The following DMGDH variants were observed in gnomAD, a reference collection of about 807,000 sequenced individuals.
DMGDH encodes the protein dimethylglycine dehydrogenase, mitochondrial.
DMGDH carries 76 observed loss-of-function variants against 95.2 expected under a neutral mutation model. That is an observed-to-expected ratio of 0.80 (90% CI 0.66 to 0.97). DMGDH has a LOEUF of 0.97. DMGDH is among the 50% of genes least tolerant of loss of function. DMGDH has a pLI of 0.00. For missense variants in DMGDH, 987 were observed against 1,055.0 expected (o/e 0.94, Z 0.89); for synonymous variants, 345 against 377.6 (o/e 0.91, Z 1.00).
At chr5:79,068,759 A>C (rs993399792) in intron 1 of DMGDH, among the ~76,000 whole-genome samples, 3 of 152,264 alleles carry the variant, frequency 2.0e-5, no homozygotes, top group African/African-American at 7.2e-5. Flanking sequence ...CATTGCTCAT[A>C]TTTAAATACA....
At chr5:79,030,498 T>C (rs1367887129) in intron 10 of DMGDH, 1 of 283,958 alleles carries the variant, frequency 3.5e-6, no homozygotes, top group South Asian at 4.0e-5. Flanking sequence ...ATACAAAAAT[T>C]AGCTGGGCAT....
intron 14 of DMGDH, among the ~76,000 whole-genome samples, chr5:79,006,351 A>T (rs1442866362): frequency 6.6e-6 from 1 of 152,206 alleles, no homozygotes; most frequent in Non-Finnish European, 1.5e-5. Context: ...TTAGCTAATA[A>T]GGGAGATAGA....
chr5:79,004,283 C>T (rs887019392), intron 15 of DMGDH, among the ~76,000 whole-genome samples: 1 of 152,182 alleles, frequency 6.6e-6, no homozygotes, highest in African/African-American at 2.4e-5. Flanking sequence ...AGTTCTTTGT[C>T]AAATTGACCC....
chr5:79,063,965 G>A (rs1446192663), intron 1 of DMGDH, among the ~76,000 whole-genome samples, 178 bp from the exon 2 acceptor site: 2 of 152,184 alleles, frequency 1.3e-5, no homozygotes, highest in South Asian at 4.1e-4. Flanking sequence ...CTGGTTGGGG[G>A]AGGGGTGTTT....
Position 79,054,250 on chromosome 5 carries a change from T to C in DMGDH, c.474A>G (p.Ala158=), listed in dbSNP as rs1027515656. 8 of 1,614,064 alleles carry C rather than the reference T, an allele frequency of 5.0e-6. No homozygotes were observed. Among genetic ancestry groups the C allele is most frequent in the Non-Finnish European group, 5.9e-6 (7 of 1,180,020 alleles). ...KYQMTRTGWH[A]TEQYLIEPEK... is the part of the protein sequence containing the mutation. Reference sequence around the variant, plus strand: ...CAGGTTCAATGAGATACTGTTCTGTTGCATGCCAGCCAGTCCGAGTCATTT... The same window carrying C: ...CAGGTTCAATGAGATACTGTTCTGTCGCATGCCAGCCAGTCCGAGTCATTT... Residue 158 remains alanine, a synonymous_variant, in exon 4 of 16, where the codon GCA becomes GCG. Transcript: ENST00000255189.
At chr5:79,057,945 C>G (rs1755080396) in intron 2 of DMGDH, among the ~76,000 whole-genome samples, 1 of 152,200 alleles carries the variant, frequency 6.6e-6, no homozygotes, top group African/African-American at 2.4e-5. Flanking sequence ...ACGCAATCCT[C>G]TTCTCCCTCA....
At chr5:79,039,273 G>A (rs1754434247) in intron 7 of DMGDH, among the ~76,000 whole-genome samples, 1 of 152,058 alleles carries the variant, frequency 6.6e-6, no homozygotes, top group Non-Finnish European at 1.5e-5. Flanking sequence ...GTTTATTGTG[G>A]CACTATTCAC....
At chr5:79,058,682 TATA>T (rs1189221735) in intron 2 of DMGDH, among the ~76,000 whole-genome samples, 11 of 152,166 alleles carry the variant, frequency 7.2e-5, no homozygotes, top group African/African-American at 2.7e-4. Context: ...GAAACGGAGA[TATA>T]ATCATTAAGA....
At chr5:79,040,012 T>C (rs1307740203) in intron 7 of DMGDH, among the ~76,000 whole-genome samples, 1 of 148,518 alleles carries the variant, frequency 6.7e-6, no homozygotes, top group East Asian at 2.1e-4. Flanking sequence ...TCCTTTATAA[T>C]AAAAGAGTAA....
In DMGDH at chr5:79,012,704, T is replaced by A. The variant is rs556742764; in HGVS notation, c.2251-7297A>T. ...ACTTTGTGCACCCACAGGCTTAATATCATGTGGAAGCTGCCAAGGCTTATG... is the reference window on the plus strand; with the variant it reads ...ACTTTGTGCACCCACAGGCTTAATAACATGTGGAAGCTGCCAAGGCTTATG... On this transcript the variant is annotated intron_variant, in intron 14 of 15. Coordinates refer to ENST00000255189, the MANE Select transcript of DMGDH (RefSeq NM_013391.3). Among the ~76,000 whole-genome samples the A allele has an allele frequency of 6.6e-5, 10 of 152,308 alleles. No individual in the cohort carries two copies. The South Asian group carries it at 2.1e-3, about 32-fold the overall frequency.
intron 7 of DMGDH, 105 bp from the exon 8 acceptor site, chr5:79,033,513 A>C (rs1373340532): frequency 7.7e-7 from 1 of 1,303,434 alleles, no homozygotes; most frequent in Admixed American, 1.7e-5. Context: ...GTTCTGTGCT[A>C]ATCAGAACAC....
chr5:79,009,359 TC>T (rs1340050293), intron 14 of DMGDH, among the ~76,000 whole-genome samples: 11 of 90,748 alleles, frequency 1.2e-4, no homozygotes, highest in East Asian at 5.7e-4. Context: ...TCTTTTCTTT[TC>T]TTTTCTTTTT....
chr5:79,031,150 C>G, intron 9 of DMGDH, 152 bp from the exon 10 acceptor site: 2 of 760,014 alleles, frequency 2.6e-6, no homozygotes, highest in Non-Finnish European at 2.2e-6. Flanking sequence ...ACCTGAAATT[C>G]TGTTCTGCAA....
rs1286028533 is a variant in DMGDH, at chr5:79,069,532, C to T, written c.89G>A (p.Cys30Tyr). ...GGGCCCCACTCACCCTTCCCGGCCG[C>T]AGACAGAGCGCGGGCGCCCGGGGGA... ...QGSPGRPRSV[C>Y]GREGEEKPPL... The change falls in exon 1 of 16, where the codon TGC (cysteine) becomes TAC (tyrosine). Residue 30 changes from cysteine to tyrosine, a missense_variant. By Grantham distance (194) the Cys-to-Tyr change is radical. Transcript: ENST00000255189. 3.8e-6 allele frequency: 5 copies of T among 1,307,466 alleles called. No homozygotes were observed. The highest frequency in any genetic ancestry group is 9.7e-7 in the Non-Finnish European group (1 of 1,030,900). 81.0% of individuals were successfully genotyped at this position (1,307,466 alleles called of 1,614,324 possible).
intron 15 of DMGDH, chr5:79,000,967 G>A: frequency 2.9e-6 from 2 of 685,752 alleles, no homozygotes; most frequent in Non-Finnish European, 5.3e-6. Context: ...TGCAAGCAAA[G>A]TGTCCATTTG....
intron 2 of DMGDH, among the ~76,000 whole-genome samples, chr5:79,056,656 C>T (rs142047101): frequency 0.019 from 2,961 of 152,124 alleles, 92 homozygotes; most frequent in African/African-American, 0.067. Flanking sequence ...GAGTTCGAGA[C>T]CAGCCTGGCC....
At chr5:79,014,118 T>C (rs1370156208) in intron 14 of DMGDH, among the ~76,000 whole-genome samples, 1 of 152,196 alleles carries the variant, frequency 6.6e-6, no homozygotes, top group Non-Finnish European at 1.5e-5. Context: ...TTAATATTAC[T>C]AGAACAGGAA....
chr5:79,020,549 C>G (rs1414157025), intron 14 of DMGDH: 3 of 519,580 alleles, frequency 5.8e-6, no homozygotes, highest in African/African-American at 4.2e-5. Context: ...GTACTAAGCG[C>G]TTTGCCTCTT....
rs4021023 is a variant in DMGDH, at chr5:79,039,018, A to C, written c.1193+3265T>G. Among the ~76,000 whole-genome samples, 44 of 150,840 alleles carry C rather than the reference A, an allele frequency of 2.9e-4. No individual in the cohort carries two copies. The East Asian group carries it at 7.6e-3, about 26-fold the overall frequency. Reference sequence around the variant, plus strand: ...CAAAACCACAATGAGATACCATCTCACACCAGTTAGAATGGCAATCATTAA... The same window carrying C: ...CAAAACCACAATGAGATACCATCTCCCACCAGTTAGAATGGCAATCATTAA... On this transcript the variant is annotated intron_variant, in intron 7 of 15. Coordinates refer to ENST00000255189, the MANE Select transcript of DMGDH (RefSeq NM_013391.3).
Sources: allele counts gnomAD v4.1 joint callset (sites outside exome capture counted in the v4.1 genomes callset), GRCh38; gene constraint gnomAD v4.1.1; transcripts MANE v1.5; gene names NCBI Gene and HGNC (gene_info 2026-07-23, HGNC 2026-07-21).